Variants in MECOM observed in about 807,000 individuals in gnomAD.
MECOM encodes histone-lysine N-methyltransferase MECOM.
In MECOM, 13 loss-of-function variants were observed where a neutral mutation model predicts 116.3. The observed-to-expected ratio is 0.11, with a 90% confidence interval of 0.07 to 0.18. The LOEUF (loss-of-function observed/expected upper bound fraction) is 0.18. Among genes scored for constraint, MECOM ranks in the 10% least tolerant of loss-of-function variants. The probability of loss-of-function intolerance (pLI) is 1.00; values close to 1 mark genes in which losing one functional copy is unlikely to be tolerated. For synonymous variants in MECOM, 528 were observed against 535.2 expected (o/e 0.99, Z 0.19); for missense variants, 1,299 against 1,509.0 (o/e 0.86, Z 2.31).
intron 1 of MECOM, among the ~76,000 whole-genome samples, chr3:169,399,603 A>G (rs1170984019): frequency 3.9e-5 from 6 of 152,242 alleles, no homozygotes; most frequent in Non-Finnish European, 4.4e-5. Flanking sequence ...AATCAGAAAG[A>G]GAAGCTTTTG....
At chr3:169,249,289 C>G (rs1755964026) in intron 2 of MECOM, among the ~76,000 whole-genome samples, 1 of 152,132 alleles carries the variant, frequency 6.6e-6, no homozygotes, top group Admixed American at 6.5e-5. Flanking sequence ...TGATTGCATC[C>G]AAATCATCCC....
chr3:169,627,119 C>T (rs183078520), intron 1 of MECOM, among the ~76,000 whole-genome samples: 20 of 152,314 alleles, frequency 1.3e-4, no homozygotes, highest in African/African-American at 4.6e-4. Context: ...TGATGCACAA[C>T]CCCTTAAACA....
intron 2 of MECOM, among the ~76,000 whole-genome samples, chr3:169,375,792 C>T (rs569721132): frequency 3.3e-5 from 5 of 152,190 alleles, no homozygotes; most frequent in Admixed American, 3.3e-4. Flanking sequence ...TTATTCCAAA[C>T]AATGGAAAAA....
At chr3:169,495,442 A>C (rs547814111) in intron 1 of MECOM, among the ~76,000 whole-genome samples, 4 of 152,290 alleles carry the variant, frequency 2.6e-5, no homozygotes, top group Admixed American at 6.5e-5. Context: ...CTACAATTAG[A>C]GTCTGTATTT....
intron 2 of MECOM, among the ~76,000 whole-genome samples, chr3:169,158,379 C>T (rs1014828051): frequency 2.6e-5 from 4 of 152,062 alleles, no homozygotes; most frequent in East Asian, 1.9e-4. Flanking sequence ...ACAACTATTA[C>T]AAACAGAGGG....
At chr3:169,322,284 G>A (rs1720994244) in intron 2 of MECOM, among the ~76,000 whole-genome samples, 1 of 152,118 alleles carries the variant, frequency 6.6e-6, no homozygotes, top group Admixed American at 6.6e-5. Flanking sequence ...GATGGAACCT[G>A]CCAATAGAGG....
intron 1 of MECOM, among the ~76,000 whole-genome samples, chr3:169,458,854 A>C (rs1746955825): frequency 6.6e-6 from 1 of 152,216 alleles, no homozygotes; most frequent in African/African-American, 2.4e-5. Context: ...GAGCAGAGGC[A>C]CTTCCTAGGA....
chr3:169,507,846 G>A (rs1277052878), intron 1 of MECOM, among the ~76,000 whole-genome samples: 2 of 149,266 alleles, frequency 1.3e-5, no homozygotes, highest in African/African-American at 5.0e-5. Flanking sequence ...ATTTTTGATA[G>A]AGACGGGGTT....
rs144472626 is a variant in MECOM, at chr3:169,559,001, T to C, written c.37+104335A>G. 5.9e-5 allele frequency among the ~76,000 whole-genome samples: 9 copies of C among 151,842 alleles called. No individual in the cohort carries two copies. In the East Asian group the frequency reaches 1.7e-3, roughly 29 times the overall value. ...GTTACTGATATTCTACAATCCTCTG[T>C]CTTCTCAAAGCATCTACACACACAC... On this transcript the variant is annotated intron_variant, in intron 1 of 16. Transcript: ENST00000651503.
chr3:169,386,404 C>A (rs548875469), intron 1 of MECOM, among the ~76,000 whole-genome samples: 123 of 152,250 alleles, frequency 8.1e-4, no homozygotes, highest in Non-Finnish European at 1.5e-3. Flanking sequence ...CAAACCCAGT[C>A]CTCCCTTTAA....
chr3:169,322,619 CT>C (rs1220775407), intron 2 of MECOM, among the ~76,000 whole-genome samples: 1 of 151,732 alleles, frequency 6.6e-6, no homozygotes, highest in Non-Finnish European at 1.5e-5. Flanking sequence ...GTGTTCACCA[CT>C]GTAAAAAGAA....
intron 1 of MECOM, among the ~76,000 whole-genome samples, chr3:169,652,176 G>A (rs1467327492): frequency 1.3e-5 from 2 of 152,178 alleles, no homozygotes; most frequent in African/African-American, 4.8e-5. Flanking sequence ...TTTCTTGCAT[G>A]TGTATTTTCT....
At chr3:169,339,813 A>G (rs1362010148) in intron 2 of MECOM, among the ~76,000 whole-genome samples, 1 of 152,210 alleles carries the variant, frequency 6.6e-6, no homozygotes, top group Non-Finnish European at 1.5e-5. Context: ...GGTTATGTAC[A>G]AAGTAATGGG....
chr3:169,255,171 T>C (rs1410565245), intron 2 of MECOM, among the ~76,000 whole-genome samples: 1 of 152,172 alleles, frequency 6.6e-6, no homozygotes, highest in African/African-American at 2.4e-5. Context: ...ATACTGCTTA[T>C]AGGAGGAAGA....
rs78476869 is a variant in MECOM at position 169,590,921 on chromosome 3, G to C, written c.37+72415C>G. On this transcript the variant is annotated intron_variant, in intron 1 of 16. Transcript: ENST00000651503. The stretch of plus-strand genomic sequence containing the variant: ...CTACCAGCACAGCATAATGCAAAAC[G>C]CAAGCAAGGACAACTAGTAGCAGGC... Among the ~76,000 whole-genome samples, 977 of 152,280 alleles carry C rather than the reference G, an allele frequency of 6.4e-3. 21 individuals carry two copies. The East Asian group carries it at 0.075, about 12-fold the overall frequency.
At chr3:169,114,870 T>C (rs970945123) in intron 8 of MECOM, among the ~76,000 whole-genome samples, 43 of 152,190 alleles carry the variant, frequency 2.8e-4, no homozygotes, top group African/African-American at 9.9e-4. Flanking sequence ...AAACATATTC[T>C]GTGATTAATA....
chr3:169,593,453 T>C (rs1017071574), intron 1 of MECOM, among the ~76,000 whole-genome samples: 2 of 152,194 alleles, frequency 1.3e-5, no homozygotes, highest in Non-Finnish European at 2.9e-5. Flanking sequence ...GAGGCAAATA[T>C]ACCCTATACA....
At chr3:169,652,100 G>A (rs925871828) in intron 1 of MECOM, among the ~76,000 whole-genome samples, 20 of 151,996 alleles carry the variant, frequency 1.3e-4, no homozygotes, top group African/African-American at 4.8e-4. Flanking sequence ...TGAAAAAATG[G>A]TTGAACCCCC....
At chr3:169,595,212 A>G (rs1766992178) in intron 1 of MECOM, among the ~76,000 whole-genome samples, 2 of 152,192 alleles carry the variant, frequency 1.3e-5, no homozygotes, top group African/African-American at 4.8e-5. Context: ...ACTAATGGAT[A>G]CAGGGATTTA....
Sources: gnomAD v4.1 joint callset for allele counts (sites outside exome capture counted in the v4.1 genomes callset) on GRCh38, gnomAD v4.1.1 for gene constraint, MANE v1.5 for transcripts, NCBI Gene and HGNC (gene_info 2026-07-23, HGNC 2026-07-21) for gene names.